Variants in COL14A1 observed in about 807,000 individuals in gnomAD.
The protein encoded by COL14A1 is collagen type XIV alpha 1 chain.
In COL14A1, 136 loss-of-function variants were observed where a neutral mutation model predicts 230.3. The observed-to-expected ratio is 0.59, with a 90% CI of 0.51 to 0.68. The LOEUF (loss-of-function observed/expected upper bound fraction) is 0.68. Ranked by LOEUF, COL14A1 falls within the 30% of genes least tolerant of loss-of-function variation. COL14A1 has a pLI of 0.00. For missense variants in COL14A1, 1,976 were observed against 2,215.8 expected, an observed-to-expected ratio of 0.89 and a Z score of 2.17; for synonymous variants, 792 against 784.1, an observed-to-expected ratio of 1.01 and a Z score of -0.17.
At chr8:120,158,708 T>G (rs1014403206) in intron 3 of COL14A1, among the ~76,000 whole-genome samples, 2 of 152,146 alleles carry the variant, frequency 1.3e-5, no homozygotes, top group Admixed American at 6.5e-5. Context: ...TGATCATGAA[T>G]AGTTATTTAA....
intron 20 of COL14A1, among the ~76,000 whole-genome samples, chr8:120,245,105 A>C (rs1010831): frequency 0.58 from 88,763 of 152,060 alleles, 27,189 homozygotes; most frequent in East Asian, 0.79. Context: ...ATTTGCATGT[A>C]AGAGTTTTTC....
At chr8:120,301,200 T>A (rs1192003208) in intron 36 of COL14A1, among the ~76,000 whole-genome samples, 1 of 152,168 alleles carries the variant, frequency 6.6e-6, no homozygotes, top group Non-Finnish European at 1.5e-5. Context: ...TCTCTCTTTT[T>A]TTAAACTTTT....
chr8:120,313,554 G>A (rs1821112456), intron 37 of COL14A1, among the ~76,000 whole-genome samples: 1 of 152,210 alleles, frequency 6.6e-6, no homozygotes, highest in African/African-American at 2.4e-5. Flanking sequence ...CAGAGAGAAT[G>A]TAGTTCATCT....
intron 37 of COL14A1, among the ~76,000 whole-genome samples, chr8:120,311,061 A>T (rs909979934): frequency 6.6e-6 from 1 of 152,244 alleles, no homozygotes; most frequent in Non-Finnish European, 1.5e-5. Context: ...AGCAAGGTAG[A>T]AGAAAATATT....
intron 43 of COL14A1, among the ~76,000 whole-genome samples, chr8:120,341,986 T>C (rs1822314460): frequency 6.6e-6 from 1 of 152,230 alleles, no homozygotes; most frequent in Non-Finnish European, 1.5e-5. Context: ...TATTCAGCTA[T>C]AAAATGGGTT....
At chr8:120,289,939 C>T (rs1489394779) in intron 34 of COL14A1, among the ~76,000 whole-genome samples, 173 bp downstream of exon 34, 1 of 152,020 alleles carries the variant, frequency 6.6e-6, no homozygotes, top group Non-Finnish European at 1.5e-5. Context: ...TAAATAATGG[C>T]CTCTTTAAAT....
chr8:120,129,556 G>A (rs940806886), intron 1 of COL14A1, among the ~76,000 whole-genome samples: 1 of 152,160 alleles, frequency 6.6e-6, no homozygotes, highest in Non-Finnish European at 1.5e-5. Context: ...TATAACTGAG[G>A]CTAATTTTCA....
chr8:120,270,648 G>T (rs530932951), intron 26 of COL14A1, among the ~76,000 whole-genome samples: 8 of 151,756 alleles, frequency 5.3e-5, no homozygotes, highest in Admixed American at 1.3e-4. Flanking sequence ...CTCTAATTTT[G>T]TGGGGCTCAT....
chr8:120,300,951 G>C (rs1457796088), intron 36 of COL14A1, 133 bp downstream of exon 36: 6 of 711,044 alleles, frequency 8.4e-6, no homozygotes, highest in Non-Finnish European at 1.4e-5. Context: ...GTGAGACACA[G>C]AGATGTTAAG....
chr8:120,369,181 C>T, intron 46 of COL14A1, 149 bp from the exon 47 acceptor site: 1 of 669,740 alleles, frequency 1.5e-6, no homozygotes, highest in South Asian at 3.8e-5. Context: ...GGAATCCAGT[C>T]TACAAAAAAG....
At chr8:120,141,318 G>T (rs1814900812) in intron 1 of COL14A1, among the ~76,000 whole-genome samples, 1 of 152,130 alleles carries the variant, frequency 6.6e-6, no homozygotes, top group Non-Finnish European at 1.5e-5. Flanking sequence ...TGAGAAGGGG[G>T]AGTTGCTTGA....
At chr8:120,263,423 C>A (rs954158247) in intron 24 of COL14A1, among the ~76,000 whole-genome samples, 10 of 152,198 alleles carry the variant, frequency 6.6e-5, no homozygotes, top group African/African-American at 1.7e-4. Context: ...GATGTTCCAA[C>A]TGGATGACCC....
chr8:120,228,277 C>T (rs1411478679), intron 17 of COL14A1, among the ~76,000 whole-genome samples: 6 of 152,138 alleles, frequency 3.9e-5, no homozygotes, highest in Non-Finnish European at 5.9e-5. Flanking sequence ...TGCTATATGC[C>T]CACGGTGGCT....
chr8:120,149,014 A>C (rs985673012), intron 2 of COL14A1, among the ~76,000 whole-genome samples: 1 of 152,260 alleles, frequency 6.6e-6, no homozygotes, highest in African/African-American at 2.4e-5. Context: ...CAGTCATGAC[A>C]GAAACTATGT....
Position 120,270,105 on chromosome 8 carries a change from C to T in COL14A1, c.3144C>T (p.Phe1048=), listed in dbSNP as rs1819614806. Residue 1048 remains phenylalanine, a synonymous_variant, in exon 26 of 48, where the codon TTC becomes TTT. Transcript: ENST00000297848. ...DGSWSIGDEN[F]NKIISFLYST... ...CCTGGAGCATTGGAGATGAAAATTT[C>T]AATAAGATCATCAGCTTTCTATACA... is the stretch of plus-strand genomic sequence containing the variant. The T allele has an allele frequency of 6.2e-7, 1 of 1,611,478 alleles. No homozygotes were observed. The highest frequency in any genetic ancestry group is 8.5e-7 in the Non-Finnish European group (1 of 1,178,440).
rs1442661128 is a variant in COL14A1, at chr8:120,291,282, C to T, written c.4236+1516C>T. Among the ~76,000 whole-genome samples, 4 of 152,096 alleles carry T rather than the reference C, an allele frequency of 2.6e-5. No individual in the cohort carries two copies. In the East Asian group the frequency reaches 7.7e-4, roughly 29 times the overall value. On this transcript the variant is annotated intron_variant, in intron 34 of 47. Coordinates refer to ENST00000297848, the MANE Select transcript of COL14A1 (RefSeq NM_021110.4). ...TCTAATTTAAGAAAGAGAATCCGGG[C>T]CGGGAGCAGTGCCTCACGCCTGTAA...
At chr8:120,242,995 A>G (rs1185969974) in intron 19 of COL14A1, among the ~76,000 whole-genome samples, 1 of 151,896 alleles carries the variant, frequency 6.6e-6, no homozygotes, top group African/African-American at 2.4e-5. Flanking sequence ...ACTCCCTTAA[A>G]CCCGTTTGAG....
In COL14A1 at chr8:120,297,811, T is replaced by C. The variant is rs558362324; in HGVS notation, c.4314+223T>C. Among the ~76,000 whole-genome samples the C allele has an allele frequency of 6.5e-4, 99 of 152,144 alleles. 1 individual carries two copies. The South Asian group carries it at 0.02, about 31-fold the overall frequency. ...CAACTCAGAGGGTGCTATTTACACA[T>C]AGTCCAGATGTTCCCAGATTCCATG... On this transcript the variant is annotated intron_variant, in intron 35 of 47. Coordinates refer to ENST00000297848, the MANE Select transcript of COL14A1 (RefSeq NM_021110.4).
chr8:120,276,861 G>A (rs1025798066), intron 26 of COL14A1, among the ~76,000 whole-genome samples: 4 of 151,840 alleles, frequency 2.6e-5, no homozygotes, highest in Admixed American at 2.6e-4. Context: ...ATAAAATTAG[G>A]TTATTAAAAA....
Sources: gnomAD v4.1 joint callset for allele counts (sites outside exome capture counted in the v4.1 genomes callset) on GRCh38, gnomAD v4.1.1 for gene constraint, MANE v1.5 for transcripts, NCBI Gene and HGNC (gene_info 2026-07-23, HGNC 2026-07-21) for gene names.